The following PRKAR2B variants were observed in gnomAD, a reference collection of about 807,000 sequenced individuals.
PRKAR2B encodes the protein cAMP-dependent protein kinase type II-beta regulatory subunit.
Under a neutral mutation model 49.9 loss-of-function variants are expected in PRKAR2B, and 14 were observed. The ratio of observed to expected loss-of-function variants is 0.28; its 90% confidence interval spans 0.19 to 0.44. The LOEUF (loss-of-function observed/expected upper bound fraction) is 0.44, where lower values mean the gene tolerates loss of function less well. Among genes scored for constraint, PRKAR2B ranks in the 20% least tolerant of loss-of-function variants. PRKAR2B has a pLI of 1.00. For synonymous variants in PRKAR2B, 196 were observed against 197.7 expected, an observed-to-expected ratio of 0.99 and a Z score of 0.07; for missense variants, 393 against 537.9, an observed-to-expected ratio of 0.73 and a Z score of 2.67.
At chr7:107,129,700 C>G (rs1227774553) in intron 4 of PRKAR2B, among the ~76,000 whole-genome samples, 1 of 152,188 alleles carries the variant, frequency 6.6e-6, no homozygotes, top group Non-Finnish European at 1.5e-5. Flanking sequence ...GACAGAGCAG[C>G]CCCGAGAGCT....
intron 8 of PRKAR2B, among the ~76,000 whole-genome samples, chr7:107,154,979 T>C (rs905234521): frequency 1.5e-4 from 23 of 152,218 alleles, no homozygotes; most frequent in Admixed American, 1.5e-3. Context: ...CGGCTCCATC[T>C]GGATGCTTTC....
chr7:107,125,789 A>G (rs1407186105), intron 3 of PRKAR2B, among the ~76,000 whole-genome samples: 1 of 151,974 alleles, frequency 6.6e-6, no homozygotes, highest in African/African-American at 2.4e-5. Context: ...AAAAAATACT[A>G]CTTAGAAATG....
chr7:107,119,184 A>G (rs1373314017), intron 2 of PRKAR2B, among the ~76,000 whole-genome samples: 1 of 152,230 alleles, frequency 6.6e-6, no homozygotes, highest in Admixed American at 6.5e-5. Context: ...TTAAAATTTA[A>G]GATCAACAGT....
chr7:107,111,835 A>G (rs773801991), intron 2 of PRKAR2B, among the ~76,000 whole-genome samples: 2 of 151,882 alleles, frequency 1.3e-5, no homozygotes, highest in Non-Finnish European at 1.5e-5. Context: ...CCCCCAATTT[A>G]GAATTTCACC....
intron 2 of PRKAR2B, among the ~76,000 whole-genome samples, chr7:107,095,974 T>G (rs1794828832): frequency 6.6e-6 from 1 of 152,178 alleles, no homozygotes; most frequent in Admixed American, 6.5e-5. Context: ...CTTTTTTTGT[T>G]GTGTCTCTGC....
At chr7:107,154,046 T>C (rs539613422) in intron 8 of PRKAR2B, among the ~76,000 whole-genome samples, 18 of 152,160 alleles carry the variant, frequency 1.2e-4, no homozygotes, top group African/African-American at 4.3e-4. Flanking sequence ...CATAAGTAAA[T>C]CTTTCGATCA....
At chr7:107,118,369 A>G (rs958435123) in intron 2 of PRKAR2B, among the ~76,000 whole-genome samples, 1 of 152,110 alleles carries the variant, frequency 6.6e-6, no homozygotes, top group Non-Finnish European at 1.5e-5. Flanking sequence ...GTATAATACA[A>G]GTACATTATT....
intron 1 of PRKAR2B, among the ~76,000 whole-genome samples, chr7:107,045,480 G>GC (rs951113507): frequency 1.3e-5 from 2 of 152,150 alleles, no homozygotes; most frequent in Non-Finnish European, 2.9e-5. Flanking sequence ...CTTACCCTTT[G>GC]CCCCCTCTGC....
intron 2 of PRKAR2B, 35 bp downstream of exon 2, chr7:107,070,351 A>G (rs2116772688): frequency 2.6e-6 from 4 of 1,543,602 alleles, no homozygotes; most frequent in Non-Finnish European, 3.6e-6. Context: ...TTGTTTATTA[A>G]TGGTGACATT....
At chr7:107,097,174 CT>C (rs1269184716) in intron 2 of PRKAR2B, among the ~76,000 whole-genome samples, 1 of 152,160 alleles carries the variant, frequency 6.6e-6, no homozygotes, top group Non-Finnish European at 1.5e-5. Context: ...TAAGGACTTG[CT>C]TTATGAATCT....
chr7:107,053,675 G>A (rs1037515451), intron 1 of PRKAR2B, among the ~76,000 whole-genome samples: 3 of 152,030 alleles, frequency 2.0e-5, no homozygotes, highest in African/African-American at 7.2e-5. Flanking sequence ...TACGTTACCT[G>A]AAGGGGAAAA....
At chr7:107,113,661 C>A (rs1250343414) in intron 2 of PRKAR2B, among the ~76,000 whole-genome samples, 1 of 152,140 alleles carries the variant, frequency 6.6e-6, no homozygotes, top group Non-Finnish European at 1.5e-5. Context: ...TCTTCTCGCT[C>A]TTTTTATTAT....
chr7:107,050,396 G>T (rs1176482735), intron 1 of PRKAR2B, among the ~76,000 whole-genome samples: 1 of 135,030 alleles, frequency 7.4e-6, no homozygotes, highest in Admixed American at 7.8e-5. Flanking sequence ...CTGTGTCTGG[G>T]TAGAACAGGA....
At chr7:107,114,614 C>T (rs1048723474) in intron 2 of PRKAR2B, among the ~76,000 whole-genome samples, 5 of 151,034 alleles carry the variant, frequency 3.3e-5, no homozygotes, top group Non-Finnish European at 7.4e-5. Flanking sequence ...AGGTGATACA[C>T]CTGCCTTGGC....
intron 1 of PRKAR2B, among the ~76,000 whole-genome samples, chr7:107,063,550 G>A (rs1005075843): frequency 6.6e-6 from 1 of 152,164 alleles, no homozygotes; most frequent in African/African-American, 2.4e-5. Context: ...CCATGGAAAG[G>A]AACAAGAGGG....
intron 2 of PRKAR2B, among the ~76,000 whole-genome samples, chr7:107,076,271 A>G (rs762519003): frequency 4.6e-5 from 7 of 152,190 alleles, no homozygotes; most frequent in Non-Finnish European, 1.0e-4. Flanking sequence ...CATCGATACG[A>G]TACTATTATC....
chr7:107,096,527 C>A (rs1794841380), intron 2 of PRKAR2B, among the ~76,000 whole-genome samples: 1 of 150,456 alleles, frequency 6.6e-6, no homozygotes, highest in African/African-American at 2.4e-5. Flanking sequence ...CTGCTCTGAT[C>A]TTAGTTATTT....
intron 4 of PRKAR2B, among the ~76,000 whole-genome samples, chr7:107,140,538 T>A (rs1282726691): frequency 1.3e-5 from 2 of 152,226 alleles, no homozygotes; most frequent in Non-Finnish European, 2.9e-5. Flanking sequence ...TTTTAGTTGC[T>A]AAGATTATAT....
At chr7:107,112,003 CA>C (rs71134251) in intron 2 of PRKAR2B, among the ~76,000 whole-genome samples, 7,494 of 46,074 alleles carry the variant, frequency 0.16, 138 homozygotes, top group Middle Eastern at 0.25. Flanking sequence ...CCTCCTCTAC[CA>C]AAAAAAAAAA....
Sources: gnomAD v4.1 joint callset for allele counts (sites outside exome capture counted in the v4.1 genomes callset) on GRCh38, gnomAD v4.1.1 for gene constraint, MANE v1.5 for transcripts, NCBI Gene and HGNC (gene_info 2026-07-23, HGNC 2026-07-21) for gene names.